CRB1: variants seen among roughly 807,000 people sequenced by gnomAD.
CRB1 encodes crumbs cell polarity complex component 1.
Under a neutral mutation model 120.0 loss-of-function variants are expected in CRB1, and 83 were observed. That is an observed-to-expected ratio of 0.69 (90% confidence interval 0.58 to 0.83). CRB1 has a LOEUF of 0.83. Among genes scored for constraint, CRB1 ranks in the 40% least tolerant of loss-of-function variants. The pLI is 0.00. For missense variants in CRB1, 1,699 were observed against 1,687.6 expected (o/e 1.01, Z -0.12); for synonymous variants, 625 against 612.5 (o/e 1.02, Z -0.30).
intron 5 of CRB1, among the ~76,000 whole-genome samples, chr1:197,373,163 T>A (rs1489320718): frequency 6.6e-6 from 1 of 152,148 alleles, no homozygotes; most frequent in Non-Finnish European, 1.5e-5. Flanking sequence ...CAATACCTTT[T>A]GTCCAGAGAG....
chr1:197,330,317 G>C (rs1461795107), intron 2 of CRB1, among the ~76,000 whole-genome samples: 1 of 152,040 alleles, frequency 6.6e-6, no homozygotes, highest in Non-Finnish European at 1.5e-5. Context: ...TCTACTTATA[G>C]CTTCTACCTT....
chr1:197,445,343 G>A (rs1665652732), intron 11 of CRB1, among the ~76,000 whole-genome samples: 2 of 152,250 alleles, frequency 1.3e-5, no homozygotes, highest in South Asian at 2.1e-4. Context: ...TGGCAAGTGG[G>A]TTTTTATCAC....
rs545836540 is a variant in CRB1, at chr1:197,289,691, A to G, written c.70+21209A>G. Among the ~76,000 whole-genome samples, 6 of 151,866 alleles carry G rather than the reference A, an allele frequency of 4.0e-5. No homozygotes were observed. The South Asian group carries it at 8.3e-4, about 21-fold the overall frequency. On this transcript the variant is annotated intron_variant, in intron 1 of 11. Coordinates refer to ENST00000367400, the MANE Select transcript of CRB1 (RefSeq NM_201253.3). Reference sequence around the variant, plus strand: ...ATTGTTGTCTATTAATCTTACTAACATATTTTCCTTTCATCTATTTCTTTT... The same window carrying G: ...ATTGTTGTCTATTAATCTTACTAACGTATTTTCCTTTCATCTATTTCTTTT...
At chr1:197,458,924 T>C (rs1457022445) in intron 11 of CRB1, among the ~76,000 whole-genome samples, 1 of 152,068 alleles carries the variant, frequency 6.6e-6, no homozygotes. Context: ...CTATGAGCTA[T>C]TGCAAGAGGG....
intron 4 of CRB1, among the ~76,000 whole-genome samples, chr1:197,355,698 C>T (rs1408109132): frequency 2.6e-5 from 4 of 152,320 alleles, no homozygotes. Flanking sequence ...AGTTTTGGGC[C>T]GGCAAGCCCA....
intron 1 of CRB1, among the ~76,000 whole-genome samples, chr1:197,299,154 G>T (rs1656718954): frequency 6.6e-6 from 1 of 152,010 alleles, no homozygotes; most frequent in South Asian, 2.1e-4. Flanking sequence ...AAATCAATGA[G>T]AAAGTGACAA....
At chr1:197,457,766 A>G (rs539868469) in intron 11 of CRB1, among the ~76,000 whole-genome samples, 3 of 152,272 alleles carry the variant, frequency 2.0e-5, no homozygotes, top group Admixed American at 2.0e-4. Flanking sequence ...AACAAAAAGC[A>G]CATTTCTCCT....
Position 197,268,362 on chromosome 1 carries a change from C to T in CRB1, c.-51C>T. The T allele has an allele frequency of 7.2e-7, 1 of 1,385,580 alleles. No homozygotes were observed. Among genetic ancestry groups the T allele is most frequent in the Non-Finnish European group, 1.0e-6 (1 of 972,070 alleles). 85.8% of individuals were successfully genotyped at this position (1,385,580 alleles called of 1,614,324 possible). A position where few individuals can be genotyped will look rare whatever the true frequency, so the allele number is the denominator to read the frequency against. On this transcript the variant is annotated 5_prime_UTR_variant, in exon 1 of 12. Coordinates refer to ENST00000367400, the MANE Select transcript of CRB1 (RefSeq NM_201253.3). ...AGACAGACAGGGATCAGGAGCCGGACTGGGACCAGACCACCAGCAACACAC... is the reference window on the plus strand; with the variant it reads ...AGACAGACAGGGATCAGGAGCCGGATTGGGACCAGACCACCAGCAACACAC...
intron 5 of CRB1, among the ~76,000 whole-genome samples, chr1:197,383,601 A>G (rs542236840): frequency 5.9e-5 from 9 of 152,324 alleles, no homozygotes; most frequent in African/African-American, 2.2e-4. Context: ...TCTTTTGACA[A>G]CCTGATATGC....
At chr1:197,278,482 G>A (rs1435995420) in intron 1 of CRB1, among the ~76,000 whole-genome samples, 1 of 151,870 alleles carries the variant, frequency 6.6e-6, no homozygotes, top group Non-Finnish European at 1.5e-5. Context: ...CAATCTGCAG[G>A]GGCATTCCCT....
intron 10 of CRB1, 63 bp from the exon 11 acceptor site, chr1:197,442,103 C>A: frequency 6.2e-7 from 1 of 1,610,792 alleles, no homozygotes. Context: ...ACTTTTTCTT[C>A]CCATTTCACA....
intron 5 of CRB1, among the ~76,000 whole-genome samples, chr1:197,399,347 T>G (rs1418850384): frequency 6.6e-6 from 1 of 152,140 alleles, no homozygotes; most frequent in Non-Finnish European, 1.5e-5. Flanking sequence ...ACATGAGTGT[T>G]TTTTACAGTG....
the CRB1 span, among the ~76,000 whole-genome samples, chr1:197,221,699 TA>T: frequency 6.4e-3 from 975 of 151,368 alleles, 14 homozygotes; most frequent in African/African-American, 0.023. Context: ...GGACTTTAGT[TA>T]AAAAAAAATA....
intron 9 of CRB1, among the ~76,000 whole-genome samples, chr1:197,437,710 G>T (rs919089537): frequency 6.6e-6 from 1 of 152,042 alleles, no homozygotes; most frequent in South Asian, 2.1e-4. Flanking sequence ...CATCATATAA[G>T]CTAGTCTATC....
At chr1:197,399,586 A>G (rs942972520) in intron 5 of CRB1, among the ~76,000 whole-genome samples, 1 of 152,300 alleles carries the variant, frequency 6.6e-6, no homozygotes, top group African/African-American at 2.4e-5. Flanking sequence ...ACTGCCGCAT[A>G]ACAAATTTTC....
At chr1:197,457,113 C>T (rs1173170551) in intron 11 of CRB1, among the ~76,000 whole-genome samples, 1 of 152,134 alleles carries the variant, frequency 6.6e-6, no homozygotes, top group Non-Finnish European at 1.5e-5. Context: ...CATTTGTTCT[C>T]ATAATGTTCC....
chr1:197,263,422 G>A (rs2125189867), upstream of CRB1, among the ~76,000 whole-genome samples: 1 of 152,126 alleles, frequency 6.6e-6, no homozygotes, highest in East Asian at 1.9e-4. Context: ...GATTCTGGAT[G>A]TAGGACCTTT....
At chr1:197,206,774 A>T in the CRB1 span, among the ~76,000 whole-genome samples, 4 of 152,066 alleles carry the variant, frequency 2.6e-5, no homozygotes, top group Non-Finnish European at 5.9e-5. Flanking sequence ...TATAGTTTAA[A>T]TCCATTTTTT....
At chr1:197,385,673 A>G (rs1480272233) in intron 5 of CRB1, among the ~76,000 whole-genome samples, 1 of 152,050 alleles carries the variant, frequency 6.6e-6, no homozygotes, top group African/African-American at 2.4e-5. Context: ...GGTGACCTTT[A>G]ATTCTGGATT....
Sources: gnomAD v4.1 joint callset for allele counts (sites outside exome capture counted in the v4.1 genomes callset) on GRCh38, gnomAD v4.1.1 for gene constraint, MANE v1.5 for transcripts, NCBI Gene and HGNC (gene_info 2026-07-23, HGNC 2026-07-21) for gene names.